LANCL3: variants seen among roughly 807,000 people sequenced by gnomAD.
LANCL3 encodes LanC like family member 3, also known as lanC-like protein 3.
LANCL3 carries 19 observed loss-of-function variants against 26.5 expected under a neutral mutation model. That is an observed-to-expected ratio of 0.72 (90% CI 0.50 to 1.05). The LOEUF (loss-of-function observed/expected upper bound fraction) is 1.05, where lower values mean the gene tolerates loss of function less well. Ranked by LOEUF, LANCL3 falls within the 50% of genes least tolerant of loss-of-function variation. LANCL3 has a pLI of 0.00. For missense variants in LANCL3, 318 were observed against 362.7 expected, an observed-to-expected ratio of 0.88 and a Z score of 1.00; for synonymous variants, 160 against 166.6, an observed-to-expected ratio of 0.96 and a Z score of 0.30.
At chrX:37,654,081 A>G (rs1926225479) in intron 1 of LANCL3, among the ~76,000 whole-genome samples, 2 of 112,040 alleles carry the variant, frequency 1.8e-5, no homozygotes, top group East Asian at 2.8e-4. Context: ...GCCTGTAGGG[A>G]AAAAATATGT....
In LANCL3 at chrX:37,667,429, A is replaced by G; in HGVS notation, c.1043A>G (p.Tyr348Cys). The change falls in exon 4 of 5, where the codon TAT (tyrosine) becomes TGT (cysteine). Residue 348 changes from tyrosine to cysteine, a missense_variant. Tyr to Cys is a radical substitution (Grantham distance 194). Transcript: ENST00000378619. ...GICHGVAGSAYVFLLLYRLTG... is the reference protein window; with the variant it reads ...GICHGVAGSACVFLLLYRLTG... ...TGCCATGGAGTAGCCGGCAGTGCCT[A>G]TGTCTTCCTGCTGCTGTACCGGCTC... The G allele has an allele frequency of 8.3e-7, 1 of 1,200,962 alleles. No homozygotes were observed. Among genetic ancestry groups the G allele is most frequent in the Non-Finnish European group, 1.1e-6 (1 of 891,000 alleles).
At chrX:37,596,089 A>C (rs899681007) in intron 1 of LANCL3, among the ~76,000 whole-genome samples, 19 of 112,223 alleles carry the variant, frequency 1.7e-4, no homozygotes, top group African/African-American at 6.2e-4. Context: ...CTAGTGAATA[A>C]AGACACCTGA....
chrX:37,632,445 C>G (rs1556424565), intron 1 of LANCL3, among the ~76,000 whole-genome samples: 2 of 111,043 alleles, frequency 1.8e-5, no homozygotes, highest in African/African-American at 3.3e-5. Context: ...AGCATTTAGT[C>G]CATTTACATT....
intron 4 of LANCL3, among the ~76,000 whole-genome samples, chrX:37,673,074 G>A (rs1244317194): frequency 9.0e-6 from 1 of 111,467 alleles, no homozygotes; most frequent in African/African-American, 3.3e-5. Flanking sequence ...CTTTTTGGTA[G>A]TGCACATATT....
At chrX:37,657,062 G>A (rs1441546360) in intron 2 of LANCL3, among the ~76,000 whole-genome samples, 3 of 112,753 alleles carry the variant, frequency 2.7e-5, no homozygotes, top group Non-Finnish European at 5.6e-5. Context: ...GGGAATCTTA[G>A]AGACTTTATA....
intron 3 of LANCL3, 104 bp downstream of exon 3, chrX:37,659,763 A>G: frequency 1.4e-6 from 1 of 692,236 alleles, no homozygotes; most frequent in South Asian, 2.6e-5. Context: ...TGTCATTACT[A>G]TGTGAGATAA....
At chrX:37,661,031 A>G (rs939493763) in intron 3 of LANCL3, among the ~76,000 whole-genome samples, 10 of 109,831 alleles carry the variant, frequency 9.1e-5, no homozygotes, top group African/African-American at 2.4e-4. Context: ...GTTATTTACC[A>G]TGCTGGAAAT....
chrX:37,628,367 G>A (rs1483026788), intron 1 of LANCL3, among the ~76,000 whole-genome samples: 2 of 110,928 alleles, frequency 1.8e-5, no homozygotes, highest in Non-Finnish European at 3.8e-5. Flanking sequence ...AAAGAGAAAG[G>A]CTCAGAACTA....
intron 1 of LANCL3, among the ~76,000 whole-genome samples, chrX:37,577,037 A>T (rs1305392363): frequency 1.8e-5 from 2 of 112,482 alleles, no homozygotes; most frequent in Non-Finnish European, 3.8e-5. Context: ...AAGTTAGTCA[A>T]AGTTAGGAGT....
intron 1 of LANCL3, among the ~76,000 whole-genome samples, chrX:37,595,913 G>A (rs1440178036): frequency 8.9e-6 from 1 of 111,821 alleles, no homozygotes; most frequent in Non-Finnish European, 1.9e-5. Context: ...AGAATGGAGA[G>A]TAATATAGAA....
intron 1 of LANCL3, among the ~76,000 whole-genome samples, chrX:37,621,495 C>A (rs1483289851): frequency 8.9e-6 from 1 of 112,316 alleles, no homozygotes; most frequent in Non-Finnish European, 1.9e-5. Flanking sequence ...TTTTCACATT[C>A]ACTGAAATAA....
At chrX:37,654,951 G>A (rs2146779535) in intron 1 of LANCL3, among the ~76,000 whole-genome samples, 1 of 112,426 alleles carries the variant, frequency 8.9e-6, no homozygotes, top group East Asian at 2.8e-4. Context: ...GGAAGGGCAG[G>A]ATGCAAAACA....
chrX:37,594,307 C>T (rs1174868547), intron 1 of LANCL3, among the ~76,000 whole-genome samples: 1 of 112,222 alleles, frequency 8.9e-6, no homozygotes, highest in East Asian at 2.8e-4. Flanking sequence ...TTTACATAAG[C>T]TGTCCTATTT....
rs1556438669 is a variant in LANCL3, at chrX:37,680,993, T to C, written c.*5180T>C. 8.9e-6 allele frequency: 1 copy of C among 112,028 alleles called. No homozygotes were observed. Among genetic ancestry groups the C allele is most frequent in the Admixed American group, 9.5e-5 (1 of 10,560 alleles). The allele number at this position is 112,028 out of a possible 1,213,427, so 9.2% of individuals were successfully genotyped here. ...GCTAAGTTGATTAAGTTTATTAAAC[T>C]TATTTATTAAGCTTGACTAAGCTTA... On this transcript the variant is annotated 3_prime_UTR_variant, in exon 5 of 5. Transcript: ENST00000378619.
intron 1 of LANCL3, among the ~76,000 whole-genome samples, chrX:37,576,830 G>C (rs1240644524): frequency 8.9e-6 from 1 of 112,449 alleles, no homozygotes; most frequent in African/African-American, 3.2e-5. Flanking sequence ...TATCACTAGA[G>C]CATGGGAACC....
intron 1 of LANCL3, among the ~76,000 whole-genome samples, chrX:37,574,295 G>A (rs1923687456): frequency 9.0e-6 from 1 of 111,337 alleles, no homozygotes; most frequent in Non-Finnish European, 1.9e-5. Context: ...TTTGTCCTCA[G>A]TAGGTGATCC....
intron 1 of LANCL3, among the ~76,000 whole-genome samples, chrX:37,613,668 T>C (rs1208321035): frequency 8.9e-6 from 1 of 112,483 alleles, no homozygotes; most frequent in African/African-American, 3.2e-5. Flanking sequence ...TGCTCTTGTA[T>C]GTTAGCCTTT....
rs1170042163 is a variant in LANCL3 at position 37,580,740 on chromosome X, A to G, written c.573+8297A>G. The stretch of plus-strand genomic sequence containing the variant: ...CACCCACCTCCAGCTTCTGGCAATT[A>G]CCATTCTACTCTCACCTTCTATGAG... On this transcript the variant is annotated intron_variant, in intron 1 of 4. Transcript: ENST00000378619. Among the ~76,000 whole-genome samples the G allele has an allele frequency of 6.4e-5, 7 of 109,238 alleles. 1 individual carries two copies. In the Admixed American group the frequency reaches 6.9e-4, roughly 11 times the overall value. The allele number at this position is 109,238 out of a possible 115,157, so 94.9% of individuals were successfully genotyped here.
chrX:37,584,452 C>A (rs1199264391), intron 1 of LANCL3, among the ~76,000 whole-genome samples: 1 of 109,710 alleles, frequency 9.1e-6, no homozygotes, highest in Non-Finnish European at 1.9e-5. Flanking sequence ...TGGTCCTGGA[C>A]TTTTTTTTGT....
Sources: gnomAD v4.1 joint callset for allele counts (sites outside exome capture counted in the v4.1 genomes callset) on GRCh38, gnomAD v4.1.1 for gene constraint, MANE v1.5 for transcripts, NCBI Gene and HGNC (gene_info 2026-07-23, HGNC 2026-07-21) for gene names.